Variants in KLF12 observed in about 807,000 individuals in gnomAD.
The protein encoded by KLF12 is Krueppel-like factor 12.
In KLF12, 9 loss-of-function variants were observed where a neutral mutation model predicts 37.8. That is an observed-to-expected ratio of 0.24 (90% confidence interval 0.14 to 0.42). The LOEUF (loss-of-function observed/expected upper bound fraction) is 0.42, where lower values mean the gene tolerates loss of function less well. Ranked by LOEUF, KLF12 falls within the 10% of genes least tolerant of loss-of-function variation. The probability of loss-of-function intolerance (pLI) is 1.00; values close to 1 mark genes in which losing one functional copy is unlikely to be tolerated. For synonymous variants in KLF12, 208 were observed against 202.1 expected (o/e 1.03, Z -0.25); for missense variants, 411 against 516.0 (o/e 0.80, Z 1.97).
rs1271700684 is a variant in KLF12 at position 73,908,726 on chromosome 13, C to T, written c.123+35255G>A. Among the ~76,000 whole-genome samples the T allele has an allele frequency of 3.9e-5, 6 of 151,998 alleles. No homozygotes were observed. The South Asian group carries it at 1.0e-3, about 26-fold the overall frequency. On this transcript the variant is annotated intron_variant, in intron 3 of 7. Coordinates refer to ENST00000377669, the MANE Select transcript of KLF12 (RefSeq NM_007249.5). ...AACTCCTGACCTCAGGTGATCTGCC[C>T]GCCTAGGCCTCCCAAAGTGCTGGGA...
chr13:73,701,625 A>G (rs1874560828), intron 7 of KLF12, among the ~76,000 whole-genome samples: 3 of 152,116 alleles, frequency 2.0e-5, no homozygotes, highest in Admixed American at 2.0e-4. Context: ...CTTTGCCAAT[A>G]AATCTTAATA....
chr13:74,109,579 A>G (rs891667242), intron 1 of KLF12, among the ~76,000 whole-genome samples: 4 of 152,226 alleles, frequency 2.6e-5, no homozygotes, highest in African/African-American at 7.2e-5. Flanking sequence ...CCATGATGTC[A>G]AATCATCAAT....
intron 1 of KLF12, among the ~76,000 whole-genome samples, chr13:73,996,870 T>C (rs867636747): frequency 1.3e-5 from 2 of 152,322 alleles, no homozygotes; most frequent in Middle Eastern, 3.4e-3. Context: ...TACCAATTTA[T>C]ATTCCCACTA....
At chr13:74,199,280 G>A in the KLF12 span, among the ~76,000 whole-genome samples, 3 of 152,136 alleles carry the variant, frequency 2.0e-5, no homozygotes, top group African/African-American at 4.8e-5. Flanking sequence ...AAGGACTAAC[G>A]ATTTACTTCA....
chr13:74,289,859 T>C, the KLF12 span, among the ~76,000 whole-genome samples: 3 of 152,186 alleles, frequency 2.0e-5, no homozygotes, highest in African/African-American at 7.2e-5. Flanking sequence ...GGAAGAGATA[T>C]ATCATTAAAG....
chr13:74,142,569 A>T, the KLF12 span, among the ~76,000 whole-genome samples: 3 of 152,288 alleles, frequency 2.0e-5, no homozygotes, highest in South Asian at 6.2e-4. Context: ...TGTAAGCTCT[A>T]CAAGGCTTGA....
the KLF12 span, among the ~76,000 whole-genome samples, chr13:74,219,845 C>T: frequency 3.3e-5 from 5 of 152,232 alleles, no homozygotes; most frequent in African/African-American, 1.2e-4. Context: ...TTAGCTGCTT[C>T]GAAAACTTCT....
chr13:73,756,260 T>C (rs926725747), intron 6 of KLF12, among the ~76,000 whole-genome samples: 4 of 152,340 alleles, frequency 2.6e-5, no homozygotes, highest in Middle Eastern at 6.8e-3. Flanking sequence ...GCTTTATGCA[T>C]TTCATAGGCA....
chr13:73,886,596 T>C lies in KLF12; in HGVS notation c.124-40223A>G, dbSNP rs536633123. On this transcript the variant is annotated intron_variant, in intron 3 of 7. Transcript: ENST00000377669. ...TACACGTTAACCTATGTCACAAACC[T>C]GCACATCCTGCACATGCACCCCAGA... is the stretch of plus-strand genomic sequence containing the variant. Among the ~76,000 whole-genome samples the C allele has an allele frequency of 1.2e-4, 19 of 152,134 alleles. 1 individual carries two copies. Among genetic ancestry groups the C allele is most frequent in the African/African-American group, 4.1e-4 (17 of 41,490 alleles).
intron 1 of KLF12, among the ~76,000 whole-genome samples, chr13:74,017,665 CTGAGA>C (rs1206519450): frequency 6.8e-6 from 1 of 146,676 alleles, no homozygotes; most frequent in Non-Finnish European, 1.5e-5. Flanking sequence ...AAAGATTTTC[CTGAGA>C]TAAGTTGGCG....
the KLF12 span, among the ~76,000 whole-genome samples, chr13:74,150,090 T>A: frequency 2.6e-5 from 4 of 152,348 alleles, no homozygotes; most frequent in South Asian, 6.2e-4. Flanking sequence ...TTTTATTTTC[T>A]CTCTCCCTCT....
chr13:74,297,326 A>G, the KLF12 span, among the ~76,000 whole-genome samples: 1 of 152,168 alleles, frequency 6.6e-6, no homozygotes, highest in Non-Finnish European at 1.5e-5. Context: ...GGCCAAATAT[A>G]TACAGAAACA....
At chr13:74,260,294 A>G in the KLF12 span, among the ~76,000 whole-genome samples, 1 of 151,970 alleles carries the variant, frequency 6.6e-6, no homozygotes, top group Non-Finnish European at 1.5e-5. Flanking sequence ...AATGGCTTAT[A>G]CCTCGAATCC....
At chr13:74,284,464 A>G in the KLF12 span, among the ~76,000 whole-genome samples, 1 of 152,196 alleles carries the variant, frequency 6.6e-6, no homozygotes, top group Non-Finnish European at 1.5e-5. Flanking sequence ...TTTTTGTGCA[A>G]CACAGGACTC....
chr13:74,115,116 C>T (rs905137863), intron 1 of KLF12, among the ~76,000 whole-genome samples: 3 of 152,178 alleles, frequency 2.0e-5, no homozygotes, highest in East Asian at 3.8e-4. Context: ...TCCAAATTAA[C>T]AAAGTTAGTT....
chr13:74,051,747 C>A (rs1329278236), intron 1 of KLF12, among the ~76,000 whole-genome samples: 2 of 152,072 alleles, frequency 1.3e-5, no homozygotes, highest in Non-Finnish European at 1.5e-5. Flanking sequence ...GGAAAGGGAA[C>A]TTGGAATCGT....
At chr13:73,950,360 T>C (rs1890599013) in intron 2 of KLF12, among the ~76,000 whole-genome samples, 1 of 152,186 alleles carries the variant, frequency 6.6e-6, no homozygotes, top group Non-Finnish European at 1.5e-5. Flanking sequence ...TTTTAAGGAT[T>C]ACAACAGATG....
At chr13:74,230,862 A>C in the KLF12 span, among the ~76,000 whole-genome samples, 1 of 152,188 alleles carries the variant, frequency 6.6e-6, no homozygotes, top group Admixed American at 6.5e-5. Context: ...TGGAATTTTC[A>C]TTCTGTTATG....
chr13:74,285,914 CCT>C, the KLF12 span, among the ~76,000 whole-genome samples: 1 of 152,162 alleles, frequency 6.6e-6, no homozygotes, highest in Non-Finnish European at 1.5e-5. Context: ...CAGGCTCATA[CCT>C]CTGTTTCCAG....
Sources: allele counts gnomAD v4.1 joint callset (sites outside exome capture counted in the v4.1 genomes callset), GRCh38; gene constraint gnomAD v4.1.1; transcripts MANE v1.5; gene names NCBI Gene and HGNC (gene_info 2026-07-23, HGNC 2026-07-21).